TMEM59: variants seen among roughly 807,000 people sequenced by gnomAD.
TMEM59 encodes the protein transmembrane protein 59, also known as dendritic cell factor 1.
In TMEM59, 44 loss-of-function variants were observed where a neutral mutation model predicts 42.2. The observed-to-expected ratio is 1.04, with a 90% CI of 0.82 to 1.34. The LOEUF is 1.34. Among genes scored for constraint, TMEM59 ranks in the 40% most tolerant of loss-of-function variants. The pLI, the probability that TMEM59 is intolerant of heterozygous loss-of-function variation, is 0.00. For synonymous variants in TMEM59, 148 were observed against 145.8 expected (o/e 1.02, Z -0.11); for missense variants, 359 against 382.8 (o/e 0.94, Z 0.52).
At chr1:54,040,309 C>G (rs1045112023) in intron 6 of TMEM59, among the ~76,000 whole-genome samples, 1 of 151,890 alleles carries the variant, frequency 6.6e-6, no homozygotes, top group Non-Finnish European at 1.5e-5. Context: ...TGCACCACCA[C>G]GCCCGGCTAA....
At chr1:54,034,232 A>C (rs879524183) in intron 7 of TMEM59, 7 of 152,302 alleles carry the variant, frequency 4.6e-5, no homozygotes, top group African/African-American at 9.7e-5. Context: ...TTGGCTATCT[A>C]GGGCTGGAGG....
rs1656784832 is a variant in TMEM59 at position 54,032,189 on chromosome 1, A to G, written c.933T>C (p.Pro311=). 1 of 1,613,010 alleles carries G rather than the reference A, an allele frequency of 6.2e-7. No individual in the cohort carries two copies. The highest frequency in any genetic ancestry group is 1.7e-5 in the Admixed American group (1 of 59,894). ...GAGCAAGATTCACTTTTGTAGGTAG[A>G]GGCCCTGCTTCTTCATGATCTTCAG... The part of the protein sequence containing the change: ...SKTEDHEEAG[P]LPTKVNLAHS... Residue 311 remains proline, a synonymous_variant, in exon 8 of 8, where the codon CCT becomes CCC. Coordinates refer to ENST00000234831, the MANE Select transcript of TMEM59 (RefSeq NM_004872.5).
chr1:54,043,657 T>C (rs1000694122), intron 3 of TMEM59, 132 bp from the exon 4 acceptor site: 16 of 506,696 alleles, frequency 3.2e-5, no homozygotes, highest in African/African-American at 1.6e-4. Context: ...CCATAATCAA[T>C]AGCATTAGAG....
chr1:54,046,148 G>A (rs1290438119), intron 2 of TMEM59, among the ~76,000 whole-genome samples: 1 of 152,160 alleles, frequency 6.6e-6, no homozygotes, highest in Non-Finnish European at 1.5e-5. Flanking sequence ...CCTGAGCTGA[G>A]CAGTTTAACC....
chr1:54,051,226 C>T (rs186233071), intron 1 of TMEM59, among the ~76,000 whole-genome samples: 132 of 152,274 alleles, frequency 8.7e-4, no homozygotes, highest in Non-Finnish European at 1.4e-3. Context: ...ATTCCTGCTC[C>T]ACTATTTCTT....
intron 6 of TMEM59, among the ~76,000 whole-genome samples, chr1:54,039,646 A>G (rs1404048763): frequency 6.6e-6 from 1 of 152,254 alleles, no homozygotes; most frequent in East Asian, 1.9e-4. Flanking sequence ...TACAGGGAGC[A>G]TGTGATTTGG....
Position 54,045,750 on chromosome 1 carries a change from T to A in TMEM59, c.332A>T (p.Tyr111Phe). The A allele has an allele frequency of 1.2e-6, 2 of 1,614,138 alleles. No individual in the cohort carries two copies. The highest frequency in any genetic ancestry group is 1.7e-6 in the Non-Finnish European group (2 of 1,180,002). ...ATTCTGGCAACCAAGATGGCAAGCATATTGCTCATCAGATTGGGAATATGC... is the reference window on the plus strand; with the variant it reads ...ATTCTGGCAACCAAGATGGCAAGCAAATTGCTCATCAGATTGGGAATATGC... ...TEAYSQSDEQ[Y>F]ACHLGCQNQL... Residue 111 changes from tyrosine to phenylalanine, a missense_variant, in exon 3 of 8, where the codon TAT (tyrosine) becomes TTT (phenylalanine). By Grantham distance (22) the Tyr-to-Phe change is conservative (BLOSUM62 3). Coordinates refer to ENST00000234831, the MANE Select transcript of TMEM59 (RefSeq NM_004872.5).
Position 54,032,296 on chromosome 1 carries a change from T to C in TMEM59, c.826A>G (p.Ile276Val), listed in dbSNP as rs1308759234. The C allele has an allele frequency of 1.9e-6, 3 of 1,601,192 alleles. No homozygotes were observed. The highest frequency in any genetic ancestry group is 2.6e-6 in the Non-Finnish European group (3 of 1,173,330). The change falls in exon 8 of 8, where the codon ATC becomes GTC. Residue 276 changes from isoleucine (I) to valine (V), a missense_variant. Ile to Val is a conservative substitution (Grantham distance 29). Transcript: ENST00000234831. ...TTCATAAACTCCAAGTCACCATAGA[T>C]ACTCAGCTTCTGCAAAAGAAAACCA... Reference protein sequence around the residue: ...EQYVPSEKLSIYGDLEFMNEQ... With the variant: ...EQYVPSEKLSVYGDLEFMNEQ...
intron 6 of TMEM59, among the ~76,000 whole-genome samples, chr1:54,036,995 C>T (rs1656975260): frequency 6.6e-6 from 1 of 152,108 alleles, no homozygotes; most frequent in African/African-American, 2.4e-5. Flanking sequence ...TGACTTTCTG[C>T]TAAATATATA....
At chr1:54,052,947 C>G in intron 1 of TMEM59, 53 bp downstream of exon 1, 1 of 1,559,590 alleles carries the variant, frequency 6.4e-7, no homozygotes. Context: ...GTGTGGGGAG[C>G]CGAGAAATGG....
chr1:54,042,035 T>C (rs893605435), intron 4 of TMEM59, among the ~76,000 whole-genome samples: 4 of 151,514 alleles, frequency 2.6e-5, no homozygotes, highest in African/African-American at 9.7e-5. Flanking sequence ...TTAGTTTAAC[T>C]TCCTGACAAC....
chr1:54,032,541 G>T (rs921565081), intron 7 of TMEM59, among the ~76,000 whole-genome samples: 1 of 152,132 alleles, frequency 6.6e-6, no homozygotes, highest in Non-Finnish European at 1.5e-5. Flanking sequence ...ATAACAATTG[G>T]GTATCAAGAA....
chr1:54,040,871 C>T (rs1376967826), intron 5 of TMEM59, 34 bp from the exon 6 acceptor site: 16 of 1,554,514 alleles, frequency 1.0e-5, no homozygotes, highest in South Asian at 2.2e-5. Context: ...TTATTATATC[C>T]TATATTCCAA....
chr1:54,045,757 C>T lies in TMEM59; in HGVS notation c.325G>A (p.Glu109Lys). ...ACTEAYSQSDEQYACHLGCQN... is the reference protein window; with the variant it reads ...ACTEAYSQSDKQYACHLGCQN... Reference sequence around the variant, plus strand: ...CAACCAAGATGGCAAGCATATTGCTCATCAGATTGGGAATATGCTTCTGTA... The same window carrying T: ...CAACCAAGATGGCAAGCATATTGCTTATCAGATTGGGAATATGCTTCTGTA... The change falls in exon 3 of 8, where the codon GAG becomes AAG. Residue 109 changes from glutamate (E) to lysine (K), a missense_variant. By Grantham distance (56) the Glu-to-Lys change is moderately conservative. Coordinates refer to ENST00000234831, the MANE Select transcript of TMEM59 (RefSeq NM_004872.5). 2 of 1,613,900 alleles carry T rather than the reference C, an allele frequency of 1.2e-6. No individual in the cohort carries two copies. Among genetic ancestry groups the T allele is most frequent in the Non-Finnish European group, 1.7e-6 (2 of 1,179,938 alleles).
At chr1:54,048,421 G>A (rs569551028) in intron 1 of TMEM59, among the ~76,000 whole-genome samples, 36 of 152,334 alleles carry the variant, frequency 2.4e-4, no homozygotes, top group African/African-American at 8.4e-4. Context: ...TGCCTGGGAT[G>A]TAGAAGGTGC....
At position 54,053,172 on chromosome 1, in the gene TMEM59, C is replaced by A; in HGVS notation, c.17G>T (p.Gly6Val). MAAPK[G>V]SLWVRTQLGL... ...CAGTTGGGTCCTCACCCAGAGGCTC[C>A]CCTTCGGCGCCGCCATCTTGTTCCC... The change falls in exon 1 of 8, where the codon GGG becomes GTG. Residue 6 changes from glycine (G) to valine (V), a missense_variant. By Grantham distance (109) the Gly-to-Val change is moderately radical (BLOSUM62 -3). Transcript: ENST00000234831. 1 of 1,614,076 alleles carries A rather than the reference C, an allele frequency of 6.2e-7. No homozygotes were observed. The highest frequency in any genetic ancestry group is 8.5e-7 in the Non-Finnish European group (1 of 1,179,978).
chr1:54,047,249 G>A lies in TMEM59; in HGVS notation c.295+18C>T, dbSNP rs369312958. On this transcript the variant is annotated intron_variant, in intron 2 of 7. Coordinates refer to ENST00000234831, the MANE Select transcript of TMEM59 (RefSeq NM_004872.5). The stretch of plus-strand genomic sequence containing the variant: ...AACAATGTTACATACAGCTGATGTC[G>A]TTAGCATAGCATCTTACCAGATTCA... 7.5e-5 allele frequency: 119 copies of A among 1,590,738 alleles called. No individual in the cohort carries two copies. The highest frequency in any genetic ancestry group is 9.5e-5 in the Non-Finnish European group (110 of 1,162,696).
chr1:54,052,946 G>A, intron 1 of TMEM59, 54 bp downstream of exon 1: 1 of 1,558,620 alleles, frequency 6.4e-7, no homozygotes, highest in Admixed American at 1.9e-5. Flanking sequence ...CGTGTGGGGA[G>A]CCGAGAAATG....
At chr1:54,044,795 C>T (rs1657273052) in intron 3 of TMEM59, 1 of 151,070 alleles carries the variant, frequency 6.6e-6, no homozygotes, top group Admixed American at 6.6e-5. Context: ...AAGGGACTGC[C>T]TAAAAAATTA....
Sources: gnomAD v4.1 joint callset for allele counts (sites outside exome capture counted in the v4.1 genomes callset) on GRCh38, gnomAD v4.1.1 for gene constraint, MANE v1.5 for transcripts, NCBI Gene and HGNC (gene_info 2026-07-23, HGNC 2026-07-21) for gene names.